QRSL1: variants seen among roughly 807,000 people sequenced by gnomAD.
QRSL1 encodes glutamyl-tRNA(Gln) amidotransferase subunit A, mitochondrial.
Under a neutral mutation model 61.6 loss-of-function variants are expected in QRSL1, and 54 were observed. The ratio of observed to expected loss-of-function variants is 0.88; its 90% CI spans 0.70 to 1.10. The LOEUF is 1.10. QRSL1 is among the 50% of genes least tolerant of loss of function. The probability of loss-of-function intolerance (pLI) is 0.00; values close to 1 mark genes in which losing one functional copy is unlikely to be tolerated. For missense variants in QRSL1, 505 were observed against 622.6 expected, an observed-to-expected ratio of 0.81 and a Z score of 2.01; for synonymous variants, 228 against 225.7, an observed-to-expected ratio of 1.01 and a Z score of -0.09.
At chr6:106,651,872 A>G (rs1777192016) in intron 5 of QRSL1, among the ~76,000 whole-genome samples, 1 of 152,228 alleles carries the variant, frequency 6.6e-6, no homozygotes, top group Non-Finnish European at 1.5e-5. Flanking sequence ...TATTACATAT[A>G]CTTTACATTT....
chr6:106,656,488 T>G (rs1777273265), intron 9 of QRSL1, among the ~76,000 whole-genome samples: 1 of 152,244 alleles, frequency 6.6e-6, no homozygotes, highest in South Asian at 2.1e-4. Flanking sequence ...TTCACGATCT[T>G]GTGAACAGGC....
rs1562164982 is a variant in QRSL1 at position 106,639,111 on chromosome 6, G to GTTTTTTTTTTTT, written c.25-1234_25-1233insTTTTTTTTTTTT. On this transcript the variant is annotated intron_variant, in intron 1 of 10. Coordinates refer to ENST00000369046, the MANE Select transcript of QRSL1 (RefSeq NM_018292.5). ...ACCTAACTTGTGTGGTTATTTGTGT[G>GTTTTTTTTTTTT]TTTTGTTGTTTTTTTTTTTTTTTTT... Among the ~76,000 whole-genome samples, 107 of 60,724 alleles carry GTTTTTTTTTTTT rather than the reference G, an allele frequency of 1.8e-3. 7 individuals are homozygous for GTTTTTTTTTTTT. The highest frequency in any genetic ancestry group is 7.0e-3 in the African/African-American group (104 of 14,914). 39.8% of individuals were successfully genotyped at this position (60,724 alleles called of 152,430 possible).
intron 1 of QRSL1, among the ~76,000 whole-genome samples, chr6:106,637,182 A>T (rs546565151): frequency 1.3e-5 from 2 of 152,124 alleles, no homozygotes; most frequent in Non-Finnish European, 2.9e-5. Flanking sequence ...GGCTGTGTGG[A>T]TAGTAAAGTA....
intron 1 of QRSL1, among the ~76,000 whole-genome samples, chr6:106,635,079 A>G (rs1007533111): frequency 6.6e-5 from 10 of 152,024 alleles, no homozygotes; most frequent in Non-Finnish European, 1.3e-4. Flanking sequence ...AACTAGATAC[A>G]AGAGTTCAGA....
At position 106,635,344 on chromosome 6, in the gene QRSL1, G is replaced by A. The variant is rs148744487; in HGVS notation, c.25-5005G>A. ...AGAGAAGAAGTGTTTCAAGGAGGGA[G>A]TGGTCACTTGTGTTGAATGCTACTA... is the stretch of plus-strand genomic sequence containing the variant. On this transcript the variant is annotated intron_variant, in intron 1 of 10. Coordinates refer to ENST00000369046, the MANE Select transcript of QRSL1 (RefSeq NM_018292.5). 3.4e-3 allele frequency among the ~76,000 whole-genome samples: 512 copies of A among 152,318 alleles called. 5 individuals carry two copies. The highest frequency in any genetic ancestry group is 0.012 in the African/African-American group (481 of 41,582).
At position 106,667,823 on chromosome 6, in the gene QRSL1, T is replaced by C. The variant is rs1023382586; in HGVS notation, c.*1821T>C. 4.6e-5 allele frequency: 7 copies of C among 152,134 alleles called. No homozygotes were observed. Among genetic ancestry groups the C allele is most frequent in the African/African-American group, 1.7e-4 (7 of 41,420 alleles). The allele number at this position is 152,134 out of a possible 1,614,324, so 9.4% of individuals were successfully genotyped here. On this transcript the variant is annotated 3_prime_UTR_variant, in exon 11 of 11. Coordinates refer to ENST00000369046, the MANE Select transcript of QRSL1 (RefSeq NM_018292.5). ...TACTTTATAGCAAGAGGAAACCGTT[T>C]TAAGTTTTTTAATTGCTCAGACACC...
chr6:106,642,523 CAG>C (rs2114704159), intron 3 of QRSL1: 2 of 698,366 alleles, frequency 2.9e-6, no homozygotes, highest in Non-Finnish European at 5.2e-6. Context: ...TTTTACAAAA[CAG>C]GGAGTTGTTT....
intron 5 of QRSL1, among the ~76,000 whole-genome samples, chr6:106,650,757 C>T (rs1259373981): frequency 6.6e-6 from 1 of 152,158 alleles, no homozygotes; most frequent in African/African-American, 2.4e-5. Context: ...ATATGTCAGT[C>T]ATTGCATGGA....
chr6:106,652,440 G>C (rs774777570), intron 6 of QRSL1, 27 bp from the exon 7 acceptor site: 9 of 1,613,534 alleles, frequency 5.6e-6, no homozygotes. Context: ...CAATATATCT[G>C]TCATTCATAA....
intron 1 of QRSL1, among the ~76,000 whole-genome samples, chr6:106,634,053 T>TA (rs906603353): frequency 1.3e-5 from 2 of 152,182 alleles, no homozygotes; most frequent in African/African-American, 4.8e-5. Context: ...CTGGACATTT[T>TA]AGCTAGAGTG....
At chr6:106,631,519 C>G (rs1420703238) in intron 1 of QRSL1, among the ~76,000 whole-genome samples, 1 of 152,162 alleles carries the variant, frequency 6.6e-6, no homozygotes. Context: ...TCCTTGGCCA[C>G]AAGGATCAGT....
chr6:106,652,337 TG>T lies in QRSL1; in HGVS notation c.687del (p.Pro230GlnfsTer4). 1 of 1,614,222 alleles carries T rather than the reference TG, an allele frequency of 6.2e-7. No individual in the cohort carries two copies. The highest frequency in any genetic ancestry group is 1.1e-5 in the South Asian group (1 of 91,086). Reference sequence around the variant, plus strand: ...ATTCCCCTGGTGAATTCGATGGATGTGCCAGGAATCTTAACCAGATGTGTGG... The same window carrying T: ...ATTCCCCTGGTGAATTCGATGGATGTCCAGGAATCTTAACCAGATGTGTGG... ...GLIPLVNSMDVPGILTRCVDD... is the reference protein window; with the variant it reads ...GLIPLVNSMDXPGILTRCVDD... On this transcript the variant is annotated frameshift_variant, in exon 6 of 11. Coordinates refer to ENST00000369046, the MANE Select transcript of QRSL1 (RefSeq NM_018292.5). LOFTEE classifies it high-confidence loss of function.
chr6:106,640,728 T>A, intron 2 of QRSL1, 95 bp from the exon 3 acceptor site: 4 of 1,188,680 alleles, frequency 3.4e-6, no homozygotes. Flanking sequence ...AGAAGTATCT[T>A]TGCCAAAAAC....
At chr6:106,639,482 G>A (rs1313497318) in intron 1 of QRSL1, among the ~76,000 whole-genome samples, 6 of 152,072 alleles carry the variant, frequency 3.9e-5, no homozygotes, top group African/African-American at 1.4e-4. Context: ...ACAGTGCCTG[G>A]CTCTTGGAAA....
chr6:106,643,975 G>A (rs1451061419), intron 4 of QRSL1, among the ~76,000 whole-genome samples: 7 of 151,202 alleles, frequency 4.6e-5, no homozygotes, highest in Non-Finnish European at 8.8e-5. Context: ...AGCTTCAAGC[G>A]ATTCTCCTGA....
rs144626196 is a variant in QRSL1, at chr6:106,660,556, T to C, written c.1161-2424T>C. Reference sequence around the variant, plus strand: ...AATGCCTGAAAATGGTCATTTCATATATTTTGTCCAGTTTTCTAGTTGTTT... The same window carrying C: ...AATGCCTGAAAATGGTCATTTCATACATTTTGTCCAGTTTTCTAGTTGTTT... On this transcript the variant is annotated intron_variant, in intron 9 of 10. Transcript: ENST00000369046. Among the ~76,000 whole-genome samples the C allele has an allele frequency of 4.1e-3, 619 of 152,260 alleles. 22 individuals are homozygous for C. Among genetic ancestry groups the C allele is most frequent in the Admixed American group, 0.039 (597 of 15,298 alleles).
intron 10 of QRSL1, among the ~76,000 whole-genome samples, chr6:106,664,628 T>C (rs1487660908): frequency 6.6e-6 from 1 of 152,218 alleles, no homozygotes; most frequent in Non-Finnish European, 1.5e-5. Context: ...CCATCCATAA[T>C]CAGGATTTGT....
intron 4 of QRSL1, among the ~76,000 whole-genome samples, chr6:106,644,277 T>G (rs916863421): frequency 6.6e-6 from 1 of 152,156 alleles, no homozygotes. Flanking sequence ...GCTCCCAGCT[T>G]GGTCCAGCAA....
intron 10 of QRSL1, among the ~76,000 whole-genome samples, chr6:106,664,138 A>G (rs1265275115): frequency 6.6e-6 from 1 of 152,230 alleles, no homozygotes; most frequent in Non-Finnish European, 1.5e-5. Flanking sequence ...TTTATATTCA[A>G]ATTTTCTCAG....
Sources: allele counts gnomAD v4.1 joint callset (sites outside exome capture counted in the v4.1 genomes callset), GRCh38; gene constraint gnomAD v4.1.1; transcripts MANE v1.5; gene names NCBI Gene and HGNC (gene_info 2026-07-23, HGNC 2026-07-21).